The following RASGEF1C variants were observed in gnomAD, a reference collection of about 807,000 sequenced individuals.
RASGEF1C encodes ras-GEF domain-containing family member 1C.
In RASGEF1C, 27 loss-of-function variants were observed where a neutral mutation model predicts 58.1. The ratio of observed to expected loss-of-function variants is 0.46; its 90% CI spans 0.34 to 0.64. The LOEUF is 0.64. RASGEF1C is among the 30% of genes least tolerant of loss of function. The pLI is 0.01. For missense variants in RASGEF1C, 502 were observed against 605.1 expected (o/e 0.83, Z 1.79); for synonymous variants, 243 against 246.3 (o/e 0.99, Z 0.13).
At chr5:180,172,048 T>C (rs1263216589) in intron 1 of RASGEF1C, among the ~76,000 whole-genome samples, 1 of 152,220 alleles carries the variant, frequency 6.6e-6, no homozygotes, top group African/African-American at 2.4e-5. Context: ...CTTCTACCCT[T>C]ACATTCATAG....
Position 180,101,265 on chromosome 5 carries a change from G to T in RASGEF1C, c.*236C>A. The T allele has an allele frequency of 1.7e-6, 1 of 580,732 alleles. No individual in the cohort carries two copies. Among genetic ancestry groups the T allele is most frequent in the African/African-American group, 1.9e-5 (1 of 53,458 alleles). 36.0% of individuals were successfully genotyped at this position (580,732 alleles called of 1,614,324 possible). On this transcript the variant is annotated 3_prime_UTR_variant, in exon 14 of 14. Transcript: ENST00000361132. ...GTCCTGAAGGCAGGATGTCCCCAAG[G>T]CATGTGCCGCCCGCACGTCTGGAGG...
At chr5:180,107,980 G>A (rs1765897041) in intron 12 of RASGEF1C, among the ~76,000 whole-genome samples, 1 of 152,162 alleles carries the variant, frequency 6.6e-6, no homozygotes, top group Non-Finnish European at 1.5e-5. Context: ...GGTCTTGGTA[G>A]GGGTTTCTTT....
chr5:180,191,589 C>A (rs531063740), intron 1 of RASGEF1C, among the ~76,000 whole-genome samples: 2 of 152,248 alleles, frequency 1.3e-5, no homozygotes, highest in Non-Finnish European at 2.9e-5. Context: ...ATCTCCTGAC[C>A]TCGTGATCCG....
intron 1 of RASGEF1C, among the ~76,000 whole-genome samples, chr5:180,171,438 CCCG>C (rs1767106647): frequency 6.6e-6 from 1 of 152,138 alleles, no homozygotes; most frequent in South Asian, 2.1e-4. Flanking sequence ...GATGGGAGAC[CCCG>C]CAGTGACAAG....
At chr5:180,120,160 C>G (rs1766144627) in intron 7 of RASGEF1C, among the ~76,000 whole-genome samples, 1 of 152,242 alleles carries the variant, frequency 6.6e-6, no homozygotes, top group Admixed American at 6.5e-5. Flanking sequence ...GGGGTCTTTA[C>G]TGTCACCAAG....
intron 4 of RASGEF1C, among the ~76,000 whole-genome samples, chr5:180,129,262 T>G (rs1210303167): frequency 6.6e-6 from 1 of 152,158 alleles, no homozygotes; most frequent in East Asian, 1.9e-4. Flanking sequence ...GAGGGGTCGT[T>G]CCTTCCATGG....
intron 1 of RASGEF1C, among the ~76,000 whole-genome samples, chr5:180,190,489 C>CAAAA (rs869186264): frequency 3.4e-4 from 26 of 77,584 alleles, no homozygotes; most frequent in African/African-American, 1.1e-3. Flanking sequence ...GACTCCGTCT[C>CAAAA]AAAAAAAAAA....
chr5:180,169,737 A>C (rs1767073341), intron 1 of RASGEF1C, among the ~76,000 whole-genome samples: 1 of 151,998 alleles, frequency 6.6e-6, no homozygotes, highest in Admixed American at 6.5e-5. Flanking sequence ...TACGTCACAC[A>C]ACCTGCCCTG....
At chr5:180,127,723 A>G (rs1228948586) in intron 5 of RASGEF1C, 40 bp from the exon 6 acceptor site, 5 of 1,567,702 alleles carry the variant, frequency 3.2e-6, no homozygotes, top group Non-Finnish European at 4.4e-6. Flanking sequence ...GAGGGAAGGT[A>G]TGGGGAGGGG....
intron 13 of RASGEF1C, among the ~76,000 whole-genome samples, chr5:180,101,769 G>T (rs560279636): frequency 6.6e-6 from 1 of 152,220 alleles, no homozygotes; most frequent in Non-Finnish European, 1.5e-5. Flanking sequence ...CCACTGTCTG[G>T]CATACAAATA....
rs576571983 is a variant in RASGEF1C at position 180,152,798 on chromosome 5, C to T, written c.-6-14740G>A. ...GTGGTGGCAGCGCCTGTAATCCCAGCTACTCAGGAGGCCGAGGCAGGAGAA... is the reference window on the plus strand; with the variant it reads ...GTGGTGGCAGCGCCTGTAATCCCAGTTACTCAGGAGGCCGAGGCAGGAGAA... On this transcript the variant is annotated intron_variant, in intron 1 of 13. Transcript: ENST00000361132. 4.0e-5 allele frequency among the ~76,000 whole-genome samples: 6 copies of T among 151,538 alleles called. No individual in the cohort carries two copies. The South Asian group carries it at 1.3e-3, about 32-fold the overall frequency.
chr5:180,191,232 T>C (rs1054475758), intron 1 of RASGEF1C, among the ~76,000 whole-genome samples: 3 of 152,254 alleles, frequency 2.0e-5, no homozygotes, highest in Non-Finnish European at 4.4e-5. Flanking sequence ...AATTTGGCAG[T>C]TTCTTAAAAC....
chr5:180,182,493 C>T (rs952222643), intron 1 of RASGEF1C, among the ~76,000 whole-genome samples: 9 of 152,146 alleles, frequency 5.9e-5, no homozygotes, highest in Non-Finnish European at 1.2e-4. Flanking sequence ...CTGGGATGGC[C>T]AGCTTTTATT....
chr5:180,200,546 C>T (rs1379522090), intron 1 of RASGEF1C, among the ~76,000 whole-genome samples: 3 of 151,824 alleles, frequency 2.0e-5, no homozygotes, highest in Admixed American at 1.3e-4. Context: ...ATCTCCTGAC[C>T]TTGTGATCCG....
intron 10 of RASGEF1C, among the ~76,000 whole-genome samples, chr5:180,117,491 G>A (rs1291971761): frequency 6.6e-6 from 1 of 152,184 alleles, no homozygotes; most frequent in Non-Finnish European, 1.5e-5. Context: ...GCATGGCACG[G>A]GCCTTCAAAG....
intron 1 of RASGEF1C, among the ~76,000 whole-genome samples, chr5:180,182,202 C>T (rs1408340817): frequency 3.9e-5 from 2 of 51,138 alleles, no homozygotes; most frequent in Non-Finnish European, 6.1e-5. Context: ...AAGACTCCGT[C>T]TCAAAAAAAA....
intron 5 of RASGEF1C, among the ~76,000 whole-genome samples, chr5:180,127,921 G>C (rs982693010): frequency 6.6e-6 from 1 of 152,312 alleles, no homozygotes; most frequent in South Asian, 2.1e-4. Context: ...GCTATGAGGC[G>C]TGACGCCCAG....
intron 1 of RASGEF1C, among the ~76,000 whole-genome samples, chr5:180,152,394 A>T (rs185214275): frequency 9.4e-4 from 143 of 152,156 alleles, no homozygotes; most frequent in African/African-American, 3.3e-3. Flanking sequence ...TAACAAATGA[A>T]GAGTTCATGT....
At chr5:180,178,918 C>T (rs542459852) in intron 1 of RASGEF1C, among the ~76,000 whole-genome samples, 4 of 151,920 alleles carry the variant, frequency 2.6e-5, no homozygotes, top group South Asian at 2.1e-4. Context: ...GGGGGAGGGG[C>T]GCAGGTGCCA....
Sources: gnomAD v4.1 joint callset for allele counts (sites outside exome capture counted in the v4.1 genomes callset) on GRCh38, gnomAD v4.1.1 for gene constraint, MANE v1.5 for transcripts, NCBI Gene and HGNC (gene_info 2026-07-23, HGNC 2026-07-21) for gene names.